DLGAP2: variants seen among roughly 807,000 people sequenced by gnomAD.
The protein encoded by DLGAP2 is DLG associated protein 2.
A neutral mutation model predicts 100.3 loss-of-function variants in DLGAP2; 26 were observed. The observed-to-expected ratio is 0.26, with a 90% CI of 0.19 to 0.36. The LOEUF (loss-of-function observed/expected upper bound fraction) is 0.36. DLGAP2 is among the 10% of genes least tolerant of loss of function. The pLI, the probability that DLGAP2 is intolerant of heterozygous loss-of-function variation, is 1.00. For missense variants in DLGAP2, 1,858 were observed against 1,453.2 expected (o/e 1.28, Z -4.53); for synonymous variants, 886 against 630.1 (o/e 1.41, Z -6.08).
chr8:833,815 G>T (rs1009761094), intron 1 of DLGAP2, among the ~76,000 whole-genome samples: 1 of 152,144 alleles, frequency 6.6e-6, no homozygotes, highest in Non-Finnish European at 1.5e-5. Flanking sequence ...CAAAATTTCT[G>T]TATTTCCTGG....
rs574098124 is a variant in DLGAP2 at position 858,719 on chromosome 8, C to G, written c.19-49193C>G. Among the ~76,000 whole-genome samples the G allele has an allele frequency of 2.7e-5, 4 of 146,202 alleles. No individual in the cohort carries two copies. The East Asian group carries it at 8.3e-4, about 30-fold the overall frequency. ...TGTCATTGTAGGGACATGTGTGATGCTCTCACCGTGGGCACATGTATGATG... is the reference window on the plus strand; with the variant it reads ...TGTCATTGTAGGGACATGTGTGATGGTCTCACCGTGGGCACATGTATGATG... On this transcript the variant is annotated intron_variant, in intron 1 of 14. Transcript: ENST00000637795.
At chr8:1,390,853 G>C (rs952737027) in intron 3 of DLGAP2, among the ~76,000 whole-genome samples, 1 of 152,222 alleles carries the variant, frequency 6.6e-6, no homozygotes, top group Non-Finnish European at 1.5e-5. Flanking sequence ...CTGTGTGCAA[G>C]AGTCATAAAG....
chr8:1,357,923 TG>T (rs1801894396), intron 3 of DLGAP2, among the ~76,000 whole-genome samples: 1 of 152,176 alleles, frequency 6.6e-6, no homozygotes, highest in Non-Finnish European at 1.5e-5. Flanking sequence ...CCCCACACTG[TG>T]AGCACCTGGG....
At chr8:1,612,391 C>T (rs1205240964) in intron 6 of DLGAP2, among the ~76,000 whole-genome samples, 1 of 91,720 alleles carries the variant, frequency 1.1e-5, no homozygotes, top group Non-Finnish European at 2.2e-5. Context: ...AAAATCAATT[C>T]AAGATGGATT....
At chr8:1,180,445 T>C (rs78759224) in intron 2 of DLGAP2, among the ~76,000 whole-genome samples, 6,097 of 152,332 alleles carry the variant, frequency 0.04, 452 homozygotes, top group African/African-American at 0.14. Context: ...AGTCCTCTGC[T>C]TCAGGCCCGT....
At chr8:1,229,977 C>G (rs1798501594) in intron 2 of DLGAP2, among the ~76,000 whole-genome samples, 1 of 152,154 alleles carries the variant, frequency 6.6e-6, no homozygotes, top group Non-Finnish European at 1.5e-5. Flanking sequence ...AGGATGCCCA[C>G]TCTCACCACT....
chr8:1,417,285 A>G (rs916290838), intron 3 of DLGAP2, among the ~76,000 whole-genome samples: 1 of 151,804 alleles, frequency 6.6e-6, no homozygotes, highest in Non-Finnish European at 1.5e-5. Context: ...GGGAGGAGAG[A>G]CCGGCGTTCA....
chr8:1,521,934 A>G (rs544334256), intron 4 of DLGAP2, among the ~76,000 whole-genome samples: 1 of 136,334 alleles, frequency 7.3e-6, no homozygotes, highest in East Asian at 2.2e-4. Flanking sequence ...TGGTTTGCAC[A>G]CTTGTTTTAA....
At chr8:1,529,750 C>A (rs924243527) in intron 4 of DLGAP2, among the ~76,000 whole-genome samples, 1 of 152,204 alleles carries the variant, frequency 6.6e-6, no homozygotes, top group South Asian at 2.1e-4. Context: ...CACGTAGGTT[C>A]TTTTCTATTT....
chr8:906,295 G>A (rs1206416982), intron 1 of DLGAP2, among the ~76,000 whole-genome samples: 2 of 152,250 alleles, frequency 1.3e-5, no homozygotes, highest in Admixed American at 6.5e-5. Flanking sequence ...GAAGGATGTG[G>A]CGGAGCCTCC....
intron 3 of DLGAP2, among the ~76,000 whole-genome samples, chr8:1,316,231 C>G (rs1800744099): frequency 7.7e-6 from 1 of 130,116 alleles, no homozygotes; most frequent in East Asian, 2.2e-4. Context: ...CAACAGTGGT[C>G]TACACTCGAG....
intron 2 of DLGAP2, among the ~76,000 whole-genome samples, chr8:1,163,997 C>T (rs890792604): frequency 6.6e-6 from 1 of 152,228 alleles, no homozygotes; most frequent in Non-Finnish European, 1.5e-5. Flanking sequence ...ACTCAGTGTT[C>T]AGGGTTTTTC....
chr8:1,146,536 C>G (rs1482929762), intron 2 of DLGAP2, among the ~76,000 whole-genome samples: 1 of 152,066 alleles, frequency 6.6e-6, no homozygotes, highest in Non-Finnish European at 1.5e-5. Context: ...GTATTTAGAC[C>G]TGTAATATCT....
At chr8:1,196,489 G>A (rs532609277) in intron 2 of DLGAP2, among the ~76,000 whole-genome samples, 6 of 152,282 alleles carry the variant, frequency 3.9e-5, no homozygotes, top group South Asian at 2.1e-4. Context: ...CTTTCCTCAC[G>A]TTTCAAGCCT....
chr8:1,448,507 C>A (rs200162508), intron 3 of DLGAP2, among the ~76,000 whole-genome samples: 1 of 151,978 alleles, frequency 6.6e-6, no homozygotes, highest in Non-Finnish European at 1.5e-5. Context: ...TTACTTCCAA[C>A]TATGTGGTCA....
intron 11 of DLGAP2, among the ~76,000 whole-genome samples, chr8:1,677,346 C>T (rs1027706619): frequency 1.3e-5 from 2 of 152,244 alleles, no homozygotes; most frequent in South Asian, 2.1e-4. Flanking sequence ...ACCTGGGAGC[C>T]GGGCAGGCTG....
intron 1 of DLGAP2, among the ~76,000 whole-genome samples, chr8:791,110 C>T (rs1028769761): frequency 6.6e-6 from 1 of 152,178 alleles, no homozygotes; most frequent in Non-Finnish European, 1.5e-5. Context: ...TTCTTATTTG[C>T]TTAATTTTTC....
intron 3 of DLGAP2, among the ~76,000 whole-genome samples, chr8:1,417,602 C>G (rs890539818): frequency 3.2e-5 from 1 of 31,704 alleles, no homozygotes; most frequent in Non-Finnish European, 6.8e-5. Flanking sequence ...AAATAGGAGG[C>G]TCAGAAGGAC....
chr8:1,476,142 T>C (rs918163267), intron 3 of DLGAP2, among the ~76,000 whole-genome samples: 3 of 152,200 alleles, frequency 2.0e-5, no homozygotes, highest in Non-Finnish European at 4.4e-5. Flanking sequence ...TCTGTGAAAC[T>C]CAAGACCTGC....
Sources: gnomAD v4.1 joint callset for allele counts (sites outside exome capture counted in the v4.1 genomes callset) on GRCh38, gnomAD v4.1.1 for gene constraint, MANE v1.5 for transcripts, NCBI Gene and HGNC (gene_info 2026-07-23, HGNC 2026-07-21) for gene names.